The following COL22A1 variants were observed in gnomAD, a reference collection of about 807,000 sequenced individuals.
COL22A1 encodes the protein collagen alpha-1(XXII) chain.
COL22A1 carries 221 observed loss-of-function variants against 248.9 expected under a neutral mutation model. The observed-to-expected ratio is 0.89, with a 90% CI of 0.80 to 0.99. COL22A1 has a LOEUF of 0.99. Among genes scored for constraint, COL22A1 ranks in the 50% least tolerant of loss-of-function variants. COL22A1 has a pLI of 0.00. For missense variants in COL22A1, 2,240 were observed against 2,179.0 expected, an observed-to-expected ratio of 1.03 and a Z score of -0.56; for synonymous variants, 891 against 793.4, an observed-to-expected ratio of 1.12 and a Z score of -2.07.
intron 1 of COL22A1, among the ~76,000 whole-genome samples, chr8:138,902,739 T>TATATATATACACACACACACAC (rs763466994): frequency 3.2e-5 from 3 of 93,872 alleles, no homozygotes; most frequent in African/African-American, 4.5e-5. Context: ...TATATATATA[T>TATATATATACACACACACACAC]ACACACACAC....
chr8:138,844,358 G>T (rs1240170058), intron 3 of COL22A1, among the ~76,000 whole-genome samples, 200 bp from the exon 4 acceptor site: 1 of 152,198 alleles, frequency 6.6e-6, no homozygotes, highest in Non-Finnish European at 1.5e-5. Flanking sequence ...CATCAACTCT[G>T]CAAATACTGT....
chr8:138,840,609 A>G (rs1820811686), intron 4 of COL22A1, among the ~76,000 whole-genome samples: 1 of 152,072 alleles, frequency 6.6e-6, no homozygotes, highest in Admixed American at 6.5e-5. Context: ...TATTATTAAG[A>G]AAAGGTCTTG....
intron 16 of COL22A1, among the ~76,000 whole-genome samples, chr8:138,775,080 G>A (rs1238610909): frequency 1.3e-5 from 2 of 152,180 alleles, no homozygotes; most frequent in Non-Finnish European, 2.9e-5. Flanking sequence ...AAGTTCCTAT[G>A]GAACTAGAGA....
chr8:138,826,029 G>A (rs572244171), intron 6 of COL22A1: 2 of 152,438 alleles, frequency 1.3e-5, no homozygotes, highest in African/African-American at 4.8e-5. Flanking sequence ...CATCAGAGGT[G>A]AGTAAAGACA....
intron 55 of COL22A1, among the ~76,000 whole-genome samples, 183 bp from the exon 56 acceptor site, chr8:138,614,103 G>A (rs1819121856): frequency 6.6e-6 from 1 of 152,200 alleles, no homozygotes; most frequent in African/African-American, 2.4e-5. Flanking sequence ...CTGTGGGTGA[G>A]TAAATGCACG....
At chr8:138,604,221 C>G (rs1046779025) in intron 59 of COL22A1, among the ~76,000 whole-genome samples, 1 of 152,098 alleles carries the variant, frequency 6.6e-6, no homozygotes, top group Non-Finnish European at 1.5e-5. Flanking sequence ...CTGGATTCCA[C>G]GGAGAGTGCA....
chr8:138,908,116 C>T (rs909229313), intron 1 of COL22A1, among the ~76,000 whole-genome samples: 2 of 152,188 alleles, frequency 1.3e-5, no homozygotes, highest in Non-Finnish European at 2.9e-5. Context: ...ACTGGGTCCA[C>T]AGCAAGCATT....
At chr8:138,767,198 C>T (rs750878005) in intron 16 of COL22A1, among the ~76,000 whole-genome samples, 4 of 152,128 alleles carry the variant, frequency 2.6e-5, no homozygotes, top group Non-Finnish European at 5.9e-5. Context: ...CTGCCTGGCA[C>T]GTGGAAGGTG....
intron 1 of COL22A1, among the ~76,000 whole-genome samples, chr8:138,894,359 A>G (rs978373137): frequency 3.9e-5 from 6 of 152,226 alleles, no homozygotes; most frequent in African/African-American, 1.2e-4. Context: ...ACAACCTTCC[A>G]TAACACAGCC....
intron 41 of COL22A1, among the ~76,000 whole-genome samples, chr8:138,676,009 A>G (rs1299345087): frequency 6.6e-6 from 1 of 152,222 alleles, no homozygotes; most frequent in Non-Finnish European, 1.5e-5. Context: ...AACACACTTC[A>G]TTGATTCTTA....
intron 16 of COL22A1, among the ~76,000 whole-genome samples, chr8:138,771,255 A>C (rs532801639): frequency 6.6e-6 from 1 of 152,308 alleles, no homozygotes; most frequent in South Asian, 2.1e-4. Flanking sequence ...GGAAGCTCCC[A>C]CAGCAGGTAG....
At position 138,669,917 on chromosome 8, in the gene COL22A1, C is replaced by T. The variant is rs560273512; in HGVS notation, c.3151-6177G>A. Among the ~76,000 whole-genome samples the T allele has an allele frequency of 4.9e-4, 69 of 141,352 alleles. 1 individual carries two copies. The highest frequency in any genetic ancestry group is 7.1e-5 in the Admixed American group (1 of 14,006). 92.7% of individuals were successfully genotyped at this position (141,352 alleles called of 152,430 possible). On this transcript the variant is annotated intron_variant, in intron 41 of 64. Coordinates refer to ENST00000303045, the MANE Select transcript of COL22A1 (RefSeq NM_152888.3). ...TTTTTTTTTTTTTGAGATGGAGTCT[C>T]GCTCTGTCGCTCAGGCTGGAGTGCA...
intron 21 of COL22A1, 24 bp from the exon 22 acceptor site, chr8:138,751,535 A>C: frequency 5.1e-6 from 8 of 1,561,386 alleles, no homozygotes; most frequent in Non-Finnish European, 7.0e-6. Flanking sequence ...AAAAAGGAAA[A>C]AGAGAGAGAA....
Position 138,722,054 on chromosome 8 carries a change from T to C in COL22A1, c.2283A>G (p.Pro761=), listed in dbSNP as rs1325455785. ...PPGKDGPNGP[P]GPPGTKGEPG... ...GACCAACCTTGGTTCCTGGCGGACC[T>C]GGTGGTCCATTTGGCCCGTCCTTTC... The change falls in exon 26 of 65, where the codon CCA becomes CCG. Residue 761 remains proline, a synonymous_variant. Transcript: ENST00000303045. 3 of 1,580,870 alleles carry C rather than the reference T, an allele frequency of 1.9e-6. No homozygotes were observed. The highest frequency in any genetic ancestry group is 2.3e-5 in the East Asian group (1 of 43,920).
At chr8:138,796,754 C>T in intron 12 of COL22A1, 65 bp downstream of exon 12, 1 of 1,084,516 alleles carries the variant, frequency 9.2e-7, no homozygotes, top group South Asian at 1.2e-5. Flanking sequence ...TAGCACACAC[C>T]TCCCCCAAAC....
chr8:138,630,867 T>C (rs1820663525), intron 49 of COL22A1, 119 bp from the exon 50 acceptor site: 2 of 869,756 alleles, frequency 2.3e-6, no homozygotes, highest in Admixed American at 3.6e-5. Context: ...CCAAATCTCA[T>C]GTTGAAATGT....
At chr8:138,777,260 A>G (rs1814555342) in intron 15 of COL22A1, among the ~76,000 whole-genome samples, 2 of 152,226 alleles carry the variant, frequency 1.3e-5, no homozygotes, top group Non-Finnish European at 2.9e-5. Flanking sequence ...GAGAGAGTAC[A>G]GGGCCAAGGC....
intron 8 of COL22A1, 27 bp from the exon 9 acceptor site, chr8:138,811,948 A>T (rs1465911116): frequency 6.6e-7 from 1 of 1,517,716 alleles, no homozygotes; most frequent in Admixed American, 2.1e-5. Context: ...GGAGGTCAGA[A>T]CCTGGCTCTT....
intron 1 of COL22A1, among the ~76,000 whole-genome samples, chr8:138,910,641 GA>G (rs200854499): frequency 3.3e-5 from 5 of 149,338 alleles, no homozygotes; most frequent in East Asian, 2.0e-4. Flanking sequence ...GGGATTGGCT[GA>G]AAAAAAAAAT....
Sources: allele counts gnomAD v4.1 joint callset (sites outside exome capture counted in the v4.1 genomes callset), GRCh38; gene constraint gnomAD v4.1.1; transcripts MANE v1.5; gene names NCBI Gene and HGNC (gene_info 2026-07-23, HGNC 2026-07-21).